CHMP2A: variants seen among roughly 807,000 people sequenced by gnomAD.
CHMP2A encodes the protein VPS2 homolog A.
In CHMP2A, 6 loss-of-function variants were observed where a neutral mutation model predicts 21.8. The ratio of observed to expected loss-of-function variants is 0.28; its 90% CI spans 0.15 to 0.54. The LOEUF is 0.54. Ranked by LOEUF, CHMP2A falls within the 20% of genes least tolerant of loss-of-function variation. CHMP2A has a pLI of 0.95. For missense variants in CHMP2A, 303 were observed against 293.9 expected (o/e 1.03, Z -0.23); for synonymous variants, 125 against 107.0 (o/e 1.17, Z -1.04).
In CHMP2A at chr19:58,552,235, G is replaced by GA. The variant is rs768185994; in HGVS notation, c.348+23dup. 1.9e-6 allele frequency: 3 copies of GA among 1,614,180 alleles called. No homozygotes were observed. The South Asian group carries it at 3.3e-5, about 18-fold the overall frequency. On this transcript the variant is annotated intron_variant, in intron 3 of 5. Coordinates refer to ENST00000312547, the MANE Select transcript of CHMP2A (RefSeq NM_014453.4). ...TGATCCCCATGGGTCGTGGGAGTGGGAAGGGGGATTGGGAAAAGCGCACCT... is the reference window on the plus strand; with the variant it reads ...TGATCCCCATGGGTCGTGGGAGTGGGAAAGGGGGATTGGGAAAAGCGCACCT...
In CHMP2A at chr19:58,551,906, T is replaced by C; in HGVS notation, c.541A>G (p.Asn181Asp). ...GGGGTCCAGGATTTGGAGCACTCAC[T>C]CGACAGCTCATCTGTTAGGCTAAGT... The part of the protein sequence containing the change: ...LGLSLTDELS[N>D]LPSTGGSLSV... Residue 181 changes from asparagine (N) to aspartate (D), a missense_variant and splice_region_variant, in exon 5 of 6, where the codon AAC (asparagine) becomes GAC (aspartate). By Grantham distance (23) the Asn-to-Asp change is conservative. Coordinates refer to ENST00000312547, the MANE Select transcript of CHMP2A (RefSeq NM_014453.4). 1 of 1,614,044 alleles carries C rather than the reference T, an allele frequency of 6.2e-7. No homozygotes were observed. The highest frequency in any genetic ancestry group is 8.5e-7 in the Non-Finnish European group (1 of 1,180,014).
chr19:58,553,792 T>A, intron 2 of CHMP2A: 1 of 503,576 alleles, frequency 2.0e-6, no homozygotes, highest in East Asian at 3.8e-5. Context: ...GGCTCTTTTT[T>A]AACATTTGCT....
rs1262462964 is a variant in CHMP2A at position 58,552,267 on chromosome 19, T to C, written c.340A>G (p.Asn114Asp). 1.9e-6 allele frequency: 3 copies of C among 1,614,076 alleles called. No individual in the cohort carries two copies. ...GATTGGGAAAAGCGCACCTGTCTGT[T>C]CATGGTGCCCATGGCCTTGGTGACA... ...KGVTKAMGTMNRQLKLPQIQK... is the reference protein window; with the variant it reads ...KGVTKAMGTMDRQLKLPQIQK... The change falls in exon 3 of 6, where the codon AAC (asparagine) becomes GAC (aspartate). Residue 114 changes from asparagine to aspartate, a missense_variant. Physicochemically the swap from Asn to Asp is conservative, Grantham distance 23. Transcript: ENST00000312547.
Position 58,554,044 on chromosome 19 carries a change from C to T in CHMP2A, c.168+1G>A. The T allele has an allele frequency of 6.2e-7, 1 of 1,613,630 alleles. No individual in the cohort carries two copies. Among genetic ancestry groups the T allele is most frequent in the Non-Finnish European group, 8.5e-7 (1 of 1,180,016 alleles). ...CAACCTGCCCGACCACCCACACTCA[C>T]CATCTGGCCTTGCTTGGCCATCTTC... On this transcript the variant is annotated splice_donor_variant, in intron 2 of 5. Transcript: ENST00000312547. LOFTEE classifies it high-confidence loss of function.
chr19:58,554,374 G>T lies in CHMP2A; in HGVS notation c.-24-138C>A, dbSNP rs1367396971. 6 of 705,580 alleles carry T rather than the reference G, an allele frequency of 8.5e-6. No homozygotes were observed. The East Asian group carries it at 1.4e-4, about 16-fold the overall frequency. 43.7% of individuals were successfully genotyped at this position (705,580 alleles called of 1,614,324 possible). ...GGCAGGAATGAGGAGCCAAAAGGGA[G>T]CAGCTGAGAACACTGGGATTGTCCC... On this transcript the variant is annotated intron_variant, in intron 1 of 5. Coordinates refer to ENST00000312547, the MANE Select transcript of CHMP2A (RefSeq NM_014453.4).
Position 58,552,335 on chromosome 19 carries a change from T to C in CHMP2A, c.272A>G (p.Gln91Arg). ...CATCGAGTTGTTGGACTTGAGTGTC[T>C]GGATCTTGAGGGACACAGCCTGGAT... ...ANIQAVSLKI[Q>R]TLKSNNSMAQ... Residue 91 changes from glutamine (Q) to arginine (R), a missense_variant, in exon 3 of 6, where the codon CAG becomes CGG. Transcript: ENST00000312547. 6.2e-7 allele frequency: 1 copy of C among 1,614,232 alleles called. No individual in the cohort carries two copies. Among genetic ancestry groups the C allele is most frequent in the South Asian group, 1.1e-5 (1 of 91,090 alleles).
At position 58,554,490 on chromosome 19, in the gene CHMP2A, T is replaced by C. The variant is rs181676553; in HGVS notation, c.-24-254A>G. 267 of 443,944 alleles carry C rather than the reference T, an allele frequency of 6.0e-4. 1 individual carries two copies. The highest frequency in any genetic ancestry group is 9.4e-4 in the Non-Finnish European group (234 of 247,670). The allele number at this position is 443,944 out of a possible 1,614,324, so 27.5% of individuals were successfully genotyped here. On this transcript the variant is annotated intron_variant, in intron 1 of 5. Coordinates refer to ENST00000312547, the MANE Select transcript of CHMP2A (RefSeq NM_014453.4). ...CATCGCCATGCCCCAAAAGAAGTTATGGCTTGCAAGTTCAGCTTCCCTCTC... is the reference window on the plus strand; with the variant it reads ...CATCGCCATGCCCCAAAAGAAGTTACGGCTTGCAAGTTCAGCTTCCCTCTC...
intron 5 of CHMP2A, 44 bp from the exon 6 acceptor site, chr19:58,551,820 GA>G: frequency 6.2e-7 from 1 of 1,614,106 alleles, no homozygotes; most frequent in Non-Finnish European, 8.5e-7. Flanking sequence ...TCAGGCAGCG[GA>G]GGGGAGTAAT....
At position 58,554,315 on chromosome 19, in the gene CHMP2A, C is replaced by G. The variant is rs2053867625; in HGVS notation, c.-24-79G>C. ...AGAAGCAGAACAGGGTCACGGGAGC[C>G]TTGCCAAATGGGAAGGGGCTAACGG... On this transcript the variant is annotated intron_variant, in intron 1 of 5. Transcript: ENST00000312547. 5.9e-6 allele frequency: 8 copies of G among 1,363,116 alleles called. 1 individual carries two copies. Among genetic ancestry groups the G allele is most frequent in the Non-Finnish European group, 6.0e-6 (6 of 1,001,460 alleles). 84.4% of individuals were successfully genotyped at this position (1,363,116 alleles called of 1,614,324 possible). A position where few individuals can be genotyped will look rare whatever the true frequency, so the allele number is the denominator to read the frequency against.
Position 58,552,276 on chromosome 19 carries a change from C to G in CHMP2A, c.331G>C (p.Gly111Arg). Residue 111 changes from glycine to arginine, a missense_variant, in exon 3 of 6, where the codon GGC (glycine) becomes CGC (arginine). Transcript: ENST00000312547. Reference protein sequence around the residue: ...QAMKGVTKAMGTMNRQLKLPQ... With the variant: ...QAMKGVTKAMRTMNRQLKLPQ... ...AAGCGCACCTGTCTGTTCATGGTGC[C>G]CATGGCCTTGGTGACACCCTTCATG... 6.2e-7 allele frequency: 1 copy of G among 1,614,144 alleles called. No individual in the cohort carries two copies. The highest frequency in any genetic ancestry group is 1.1e-5 in the South Asian group (1 of 91,082).
rs1040884305 is a variant in CHMP2A at position 58,555,063 on chromosome 19, T to TA, written c.-101dup. ...TGGGATCCCCGACTTGCCCACCAAC[T>TA]AAGGCCCCTCGGTCCTGTCGCCGCC... On this transcript the variant is annotated 5_prime_UTR_variant, in exon 1 of 6. Transcript: ENST00000312547. The TA allele has an allele frequency of 1.3e-5, 2 of 152,490 alleles. No individual in the cohort carries two copies. The highest frequency in any genetic ancestry group is 4.8e-5 in the African/African-American group (2 of 41,436). The allele number at this position is 152,490 out of a possible 1,614,324, so 9.4% of individuals were successfully genotyped here.
chr19:58,552,506 A>G lies in CHMP2A; in HGVS notation c.169-68T>C, dbSNP rs577331502. On this transcript the variant is annotated intron_variant, in intron 2 of 5. Transcript: ENST00000312547. ...ATCCTACACTTCTTGACACCCCATT[A>G]GTTGGTTGTCCCTCCCCACCAGCCC... is the stretch of plus-strand genomic sequence containing the variant. 1.6e-5 allele frequency: 24 copies of G among 1,503,324 alleles called. No homozygotes were observed. The South Asian group carries it at 2.7e-4, about 17-fold the overall frequency. 93.1% of individuals were successfully genotyped at this position (1,503,324 alleles called of 1,614,324 possible).
intron 2 of CHMP2A, chr19:58,553,729 G>T (rs944868726): frequency 8.8e-5 from 32 of 362,690 alleles, no homozygotes; most frequent in African/African-American, 6.0e-4. Flanking sequence ...GTTCTGAATT[G>T]TCTGGTCCAT....
rs753026497 is a variant in CHMP2A, at chr19:58,552,036, C to T, written c.479+19G>A. On this transcript the variant is annotated intron_variant, in intron 4 of 5. Transcript: ENST00000312547. ...GGGCCAGGCAAACATCTCCACCCTCCCATCCAGTTTCCCCATACCTCTCCT... is the reference window on the plus strand; with the variant it reads ...GGGCCAGGCAAACATCTCCACCCTCTCATCCAGTTTCCCCATACCTCTCCT... 1 of 1,614,184 alleles carries T rather than the reference C, an allele frequency of 6.2e-7. No individual in the cohort carries two copies. Among genetic ancestry groups the T allele is most frequent in the Non-Finnish European group, 8.5e-7 (1 of 1,180,034 alleles).
intron 2 of CHMP2A, chr19:58,553,827 T>C (rs772455771): frequency 3.3e-6 from 2 of 603,800 alleles, no homozygotes; most frequent in Non-Finnish European, 5.9e-6. Flanking sequence ...ACACATTCCC[T>C]GCCCAGATCT....
chr19:58,554,303 G>T, intron 1 of CHMP2A, 67 bp from the exon 2 acceptor site: 1 of 1,445,108 alleles, frequency 6.9e-7, no homozygotes, highest in Non-Finnish European at 9.3e-7. Flanking sequence ...AGCAGAACAG[G>T]GTCACGGGAG....
rs180674674 is a variant in CHMP2A, at chr19:58,553,885, T to C, written c.168+160A>G. On this transcript the variant is annotated intron_variant, in intron 2 of 5. Coordinates refer to ENST00000312547, the MANE Select transcript of CHMP2A (RefSeq NM_014453.4). Reference sequence around the variant, plus strand: ...AGCCTTGGATCTCATACCAGTTCCTTGGAGGCAGCCTTCCAGACCCTCAAA... The same window carrying C: ...AGCCTTGGATCTCATACCAGTTCCTCGGAGGCAGCCTTCCAGACCCTCAAA... 30 of 861,454 alleles carry C rather than the reference T, an allele frequency of 3.5e-5. No individual in the cohort carries two copies. In the African/African-American group the frequency reaches 4.4e-4, roughly 13 times the overall value. 53.4% of individuals were successfully genotyped at this position (861,454 alleles called of 1,614,324 possible). A position where few individuals can be genotyped will look rare whatever the true frequency, so the allele number is the denominator to read the frequency against.
intron 2 of CHMP2A, among the ~76,000 whole-genome samples, chr19:58,552,657 GTCC>G (rs2053846431): frequency 6.6e-6 from 1 of 152,056 alleles, no homozygotes; most frequent in African/African-American, 2.4e-5. Context: ...CCTTTGTAAG[GTCC>G]TCCTCACTTC....
intron 2 of CHMP2A, among the ~76,000 whole-genome samples, chr19:58,553,314 G>T (rs796206472): frequency 3.2e-4 from 48 of 151,072 alleles, no homozygotes; most frequent in African/African-American, 1.2e-3. Context: ...CTCCCAAAGT[G>T]CTGGGATTAC....
Sources: allele counts gnomAD v4.1 joint callset (sites outside exome capture counted in the v4.1 genomes callset), GRCh38; gene constraint gnomAD v4.1.1; transcripts MANE v1.5; gene names NCBI Gene and HGNC (gene_info 2026-07-23, HGNC 2026-07-21).